Variants in COL25A1 observed in about 807,000 individuals in gnomAD.
COL25A1 encodes collagen alpha-1(XXV) chain.
A neutral mutation model predicts 128.4 loss-of-function variants in COL25A1; 103 were observed. The observed-to-expected ratio is 0.80, with a 90% confidence interval of 0.68 to 0.94. The LOEUF is 0.94. Among genes scored for constraint, COL25A1 ranks in the 40% least tolerant of loss-of-function variants. The pLI is 0.00. For synonymous variants in COL25A1, 279 were observed against 277.2 expected (o/e 1.01, Z -0.06); for missense variants, 745 against 840.0 (o/e 0.89, Z 1.40).
chr4:109,059,633 T>C (rs944957778), intron 3 of COL25A1, among the ~76,000 whole-genome samples: 13 of 152,230 alleles, frequency 8.5e-5, no homozygotes, highest in African/African-American at 3.1e-4. Context: ...CTTCATACAC[T>C]GAGAACACTC....
chr4:109,150,886 A>G (rs892792906), intron 3 of COL25A1, among the ~76,000 whole-genome samples: 1 of 152,116 alleles, frequency 6.6e-6, no homozygotes, highest in Non-Finnish European at 1.5e-5. Context: ...TTCTCAATTC[A>G]TTTCTTAACT....
intron 26 of COL25A1, among the ~76,000 whole-genome samples, chr4:108,849,889 C>T (rs1436406935): frequency 6.6e-6 from 1 of 152,110 alleles, no homozygotes; most frequent in African/African-American, 2.4e-5. Flanking sequence ...TTGAGCTTTC[C>T]AGTGTTTAAG....
chr4:109,274,137 T>C (rs577563015), intron 3 of COL25A1, among the ~76,000 whole-genome samples: 2 of 152,296 alleles, frequency 1.3e-5, no homozygotes, highest in Non-Finnish European at 2.9e-5. Flanking sequence ...TGTATATACA[T>C]TGCATCATTT....
At chr4:109,152,182 C>T (rs998116256) in intron 3 of COL25A1, among the ~76,000 whole-genome samples, 2 of 151,348 alleles carry the variant, frequency 1.3e-5, no homozygotes, top group African/African-American at 4.9e-5. Context: ...AAAAAACAAT[C>T]TCAATAATGA....
intron 3 of COL25A1, among the ~76,000 whole-genome samples, chr4:109,148,790 C>T (rs1771193263): frequency 6.6e-6 from 1 of 152,146 alleles, no homozygotes; most frequent in South Asian, 2.1e-4. Context: ...TCCCCTGCTG[C>T]CCCTCCTCCA....
At chr4:108,892,651 TCTTTC>T (rs1358467835) in intron 16 of COL25A1, among the ~76,000 whole-genome samples, 1 of 152,220 alleles carries the variant, frequency 6.6e-6, no homozygotes, top group Non-Finnish European at 1.5e-5. Flanking sequence ...TTTTTTTCTT[TCTTTC>T]CTTTTCTTTT....
At chr4:109,127,528 A>G (rs934716610) in intron 3 of COL25A1, among the ~76,000 whole-genome samples, 3 of 152,042 alleles carry the variant, frequency 2.0e-5, no homozygotes, top group African/African-American at 4.8e-5. Flanking sequence ...GGGTCTCTCT[A>G]TGTTGCCCAG....
At chr4:109,020,230 T>A (rs372894899) in intron 5 of COL25A1, among the ~76,000 whole-genome samples, 1 of 152,174 alleles carries the variant, frequency 6.6e-6, no homozygotes, top group Non-Finnish European at 1.5e-5. Flanking sequence ...AGATAAACAT[T>A]ATTAATAATT....
intron 5 of COL25A1, among the ~76,000 whole-genome samples, chr4:109,012,907 T>G (rs1295159466): frequency 6.6e-6 from 1 of 152,236 alleles, no homozygotes; most frequent in Non-Finnish European, 1.5e-5. Flanking sequence ...CCTGGTGCGA[T>G]CCACTAGGCG....
chr4:109,000,765 A>G (rs957833541), intron 6 of COL25A1, among the ~76,000 whole-genome samples: 5 of 92,050 alleles, frequency 5.4e-5, no homozygotes, highest in African/African-American at 1.6e-4. Context: ...AAAAAAAAAA[A>G]AAAGAAAAAA....
At chr4:108,900,201 A>C (rs1172014909) in intron 14 of COL25A1, among the ~76,000 whole-genome samples, 3 of 152,174 alleles carry the variant, frequency 2.0e-5, no homozygotes. Flanking sequence ...CCAGAATAGC[A>C]CTGTGAACAT....
At chr4:109,208,148 A>G (rs1777158325) in intron 3 of COL25A1, among the ~76,000 whole-genome samples, 1 of 152,220 alleles carries the variant, frequency 6.6e-6, no homozygotes, top group African/African-American at 2.4e-5. Context: ...GAACAGCTAA[A>G]ACATAATTAA....
chr4:108,819,166 G>C (rs1244689942), intron 36 of COL25A1, 86 bp downstream of exon 36: 3 of 1,025,906 alleles, frequency 2.9e-6, no homozygotes, highest in Non-Finnish European at 4.3e-6. Flanking sequence ...AGCTTGCCCA[G>C]AAAGCACCAC....
intron 8 of COL25A1, among the ~76,000 whole-genome samples, chr4:108,973,706 G>T (rs1472485863): frequency 6.6e-6 from 1 of 152,136 alleles, no homozygotes; most frequent in Non-Finnish European, 1.5e-5. Context: ...CTGAACATTT[G>T]GGTAATAAGG....
chr4:108,845,126 A>C, intron 29 of COL25A1, 63 bp downstream of exon 29: 4 of 1,340,952 alleles, frequency 3.0e-6, no homozygotes, highest in Non-Finnish European at 4.3e-6. Flanking sequence ...TGGAATAGGT[A>C]AGTAACATGT....
intron 3 of COL25A1, among the ~76,000 whole-genome samples, chr4:109,243,615 T>G (rs921951807): frequency 3.3e-5 from 5 of 152,022 alleles, no homozygotes; most frequent in Non-Finnish European, 5.9e-5. Flanking sequence ...TTAACATGTT[T>G]GATCAGTTAT....
intron 3 of COL25A1, among the ~76,000 whole-genome samples, chr4:109,197,721 T>A (rs1323178294): frequency 6.6e-6 from 1 of 150,906 alleles, no homozygotes; most frequent in Non-Finnish European, 1.5e-5. Flanking sequence ...TACTCCAGAG[T>A]CTTTGAAATC....
chr4:109,248,478 G>A (rs767957390), intron 3 of COL25A1, among the ~76,000 whole-genome samples: 1 of 152,134 alleles, frequency 6.6e-6, no homozygotes, highest in African/African-American at 2.4e-5. Context: ...AATCCAGAGC[G>A]ACATTGTACT....
chr4:109,271,434 C>T (rs1194647369), intron 3 of COL25A1, among the ~76,000 whole-genome samples: 1 of 152,130 alleles, frequency 6.6e-6, no homozygotes, highest in Non-Finnish European at 1.5e-5. Context: ...TAGTCTTTCC[C>T]TTGGTAAAAT....
Sources: gnomAD v4.1 joint callset for allele counts (sites outside exome capture counted in the v4.1 genomes callset) on GRCh38, gnomAD v4.1.1 for gene constraint, MANE v1.5 for transcripts, NCBI Gene and HGNC (gene_info 2026-07-23, HGNC 2026-07-21) for gene names.